ARID4B: variants seen among roughly 807,000 people sequenced by gnomAD.
ARID4B encodes AT-rich interaction domain 4B, also known as AT-rich interactive domain-containing protein 4B.
In ARID4B, 26 loss-of-function variants were observed where a neutral mutation model predicts 147.5. The ratio of observed to expected loss-of-function variants is 0.18; its 90% CI spans 0.13 to 0.24. The LOEUF is 0.24. Among genes scored for constraint, ARID4B ranks in the 10% least tolerant of loss-of-function variants. The probability of loss-of-function intolerance (pLI) is 1.00; values close to 1 mark genes in which losing one functional copy is unlikely to be tolerated. For missense variants in ARID4B, 1,179 were observed against 1,511.5 expected (o/e 0.78, Z 3.65); for synonymous variants, 512 against 507.9 (o/e 1.01, Z -0.11).
chr1:235,298,630 C>T (rs116057055), intron 2 of ARID4B, among the ~76,000 whole-genome samples: 2,173 of 150,472 alleles, frequency 0.014, 33 homozygotes, highest in Non-Finnish European at 0.019. Context: ...TGACTATCTG[C>T]ATTATAAAGT....
chr1:235,234,313 A>G, intron 9 of ARID4B, 100 bp downstream of exon 9: 1 of 754,802 alleles, frequency 1.3e-6, no homozygotes, highest in South Asian at 1.6e-5. Context: ...ATAAAAGCCT[A>G]AGGTAATTGG....
chr1:235,307,625 T>C lies in ARID4B; in HGVS notation c.6+19289A>G, dbSNP rs541880919. Among the ~76,000 whole-genome samples, 3 of 152,282 alleles carry C rather than the reference T, an allele frequency of 2.0e-5. No individual in the cohort carries two copies. The South Asian group carries it at 6.2e-4, about 32-fold the overall frequency. On this transcript the variant is annotated intron_variant, in intron 2 of 23. Transcript: ENST00000264183. ...TAAAACTTTTCTGAGCTAGATCATATTCTGTGTCATCACTTGGCAGAAGAG... is the reference window on the plus strand; with the variant it reads ...TAAAACTTTTCTGAGCTAGATCATACTCTGTGTCATCACTTGGCAGAAGAG...
chr1:235,326,754 G>T, intron 2 of ARID4B, 160 bp downstream of exon 2: 2 of 838,912 alleles, frequency 2.4e-6, no homozygotes, highest in Non-Finnish European at 4.0e-6. Flanking sequence ...AGCAAAGCCC[G>T]CCAGCTGACC....
At chr1:235,278,233 T>C (rs1427003416) in intron 2 of ARID4B, among the ~76,000 whole-genome samples, 1 of 152,180 alleles carries the variant, frequency 6.6e-6, no homozygotes, top group African/African-American at 2.4e-5. Flanking sequence ...ACTATACCAA[T>C]CAAATAAGTT....
intron 20 of ARID4B, chr1:235,180,137 C>CTTTTTTTTTTTTTTTTTTTTTTTTTTTTT (rs1166842959): frequency 1.0e-5 from 1 of 98,528 alleles, no homozygotes; most frequent in Non-Finnish European, 1.9e-5. Flanking sequence ...CTTGTTTTTT[C>CTTTTTTTTTTTTTTTTTTTTTTTTTTTTT]TTTTTTTTTT....
At chr1:235,274,473 C>T (rs958353422) in intron 2 of ARID4B, among the ~76,000 whole-genome samples, 36 of 151,908 alleles carry the variant, frequency 2.4e-4, no homozygotes, top group African/African-American at 8.5e-4. Flanking sequence ...TACAAATGAC[C>T]CAGAAAATGT....
chr1:235,282,262 AC>A (rs1671712433), intron 2 of ARID4B, among the ~76,000 whole-genome samples: 1 of 152,216 alleles, frequency 6.6e-6, no homozygotes. Flanking sequence ...CAAAGTTTTT[AC>A]ATGGTCTCAG....
Position 235,322,757 on chromosome 1 carries a change from C to T in ARID4B, c.6+4157G>A, listed in dbSNP as rs183803993. On this transcript the variant is annotated intron_variant, in intron 2 of 23. Transcript: ENST00000264183. ...ATTCTATATTACCTGATATATGAAA[C>T]GGGTTGTTGTTAAATGAATGACTTA... Among the ~76,000 whole-genome samples the T allele has an allele frequency of 4.9e-4, 74 of 151,566 alleles. No homozygotes were observed. The East Asian group carries it at 6.2e-3, about 13-fold the overall frequency.
intron 2 of ARID4B, 69 bp downstream of exon 2, chr1:235,326,845 A>G: frequency 6.3e-7 from 1 of 1,589,828 alleles, no homozygotes. Context: ...CCACACGACG[A>G]CCTCGTCGAA....
At chr1:235,236,833 A>AAAAAAAAAAAAAATATATATATAT (rs1175189621) in intron 8 of ARID4B, among the ~76,000 whole-genome samples, 2 of 33,522 alleles carry the variant, frequency 6.0e-5, no homozygotes, top group Non-Finnish European at 9.3e-5. Context: ...TTTTATAAAA[A>AAAAAAAAAAAAAATATATATATAT]ATATATATAT....
At chr1:235,191,240 C>G (rs10157739) in intron 19 of ARID4B, among the ~76,000 whole-genome samples, 69,916 of 150,762 alleles carry the variant, frequency 0.46, 16,564 homozygotes, top group South Asian at 0.61. Flanking sequence ...GAATGTGTCA[C>G]ATATTCTTTT....
intron 2 of ARID4B, among the ~76,000 whole-genome samples, chr1:235,284,090 A>C (rs1014921185): frequency 1.3e-4 from 20 of 152,172 alleles, no homozygotes; most frequent in African/African-American, 4.8e-4. Flanking sequence ...AGGCCGGCAC[A>C]GTGGCTCACG....
At chr1:235,210,013 A>G (rs1011463126) in intron 17 of ARID4B, among the ~76,000 whole-genome samples, 1 of 152,146 alleles carries the variant, frequency 6.6e-6, no homozygotes, top group Admixed American at 6.6e-5. Context: ...GGACTGCTTG[A>G]GCCCAGGAGT....
chr1:235,229,600 A>T (rs1445838965), intron 10 of ARID4B, among the ~76,000 whole-genome samples: 2 of 152,250 alleles, frequency 1.3e-5, no homozygotes, highest in Non-Finnish European at 2.9e-5. Flanking sequence ...TATAGATGGC[A>T]AAACTGCCAC....
At chr1:235,239,419 T>C (rs1327697080) in intron 8 of ARID4B, among the ~76,000 whole-genome samples, 1 of 152,244 alleles carries the variant, frequency 6.6e-6, no homozygotes, top group Non-Finnish European at 1.5e-5. Flanking sequence ...GTATCATATA[T>C]AGCTAATTAT....
intron 6 of ARID4B, among the ~76,000 whole-genome samples, chr1:235,247,777 T>TCGG (rs1669393290): frequency 6.6e-6 from 1 of 152,002 alleles, no homozygotes; most frequent in African/African-American, 2.4e-5. Context: ...ATACCTGAGA[T>TCGG]CGGGAGTTGG....
At chr1:235,235,278 G>A (rs1253284944) in intron 8 of ARID4B, among the ~76,000 whole-genome samples, 1 of 152,156 alleles carries the variant, frequency 6.6e-6, no homozygotes, top group Non-Finnish European at 1.5e-5. Flanking sequence ...GTTTTAGGTG[G>A]CTAAAAGACA....
chr1:235,208,059 TCTAA>T (rs1558202101), intron 17 of ARID4B, among the ~76,000 whole-genome samples: 1 of 152,218 alleles, frequency 6.6e-6, no homozygotes, highest in East Asian at 1.9e-4. Flanking sequence ...AAAATTATTC[TCTAA>T]CTAAATTTGC....
At chr1:235,174,709 G>A (rs1372704670) in intron 22 of ARID4B, among the ~76,000 whole-genome samples, 2 of 152,168 alleles carry the variant, frequency 1.3e-5, no homozygotes, top group East Asian at 1.9e-4. Context: ...CTACTCGGGA[G>A]GTTGAGGCAG....
Sources: allele counts gnomAD v4.1 joint callset (sites outside exome capture counted in the v4.1 genomes callset), GRCh38; gene constraint gnomAD v4.1.1; transcripts MANE v1.5; gene names NCBI Gene and HGNC (gene_info 2026-07-23, HGNC 2026-07-21).